UBXN2B: variants seen among roughly 807,000 people sequenced by gnomAD.
The protein encoded by UBXN2B is UBX domain-containing protein 2B.
UBXN2B carries 19 observed loss-of-function variants against 37.5 expected under a neutral mutation model. The ratio of observed to expected loss-of-function variants is 0.51; its 90% CI spans 0.35 to 0.74. UBXN2B has a LOEUF of 0.74. UBXN2B is among the 30% of genes least tolerant of loss of function. The probability of loss-of-function intolerance (pLI) is 0.01; values close to 1 mark genes in which losing one functional copy is unlikely to be tolerated. For missense variants in UBXN2B, 370 were observed against 393.2 expected, an observed-to-expected ratio of 0.94 and a Z score of 0.50; for synonymous variants, 145 against 143.8, an observed-to-expected ratio of 1.01 and a Z score of -0.06.
At chr8:58,446,461 A>G (rs1808671089) in intron 7 of UBXN2B, among the ~76,000 whole-genome samples, 1 of 152,174 alleles carries the variant, frequency 6.6e-6, no homozygotes, top group Non-Finnish European at 1.5e-5. Flanking sequence ...CTGTATAGCA[A>G]ATACTTCATA....
Position 58,447,413 on chromosome 8 carries a change from T to C in UBXN2B, c.858T>C (p.Ile286=), listed in dbSNP as rs768739332. The change falls in exon 8 of 8, where the codon ATT becomes ATC. Residue 286 remains isoleucine, a synonymous_variant. Coordinates refer to ENST00000399598, the MANE Select transcript of UBXN2B (RefSeq NM_001077619.2). ...THRILDVRNF[I]VQSRPEFAAL... ...GGATCCTGGATGTCCGGAACTTTATTGTACAGTCTCGTCCTGAATTTGCGG... is the reference window on the plus strand; with the variant it reads ...GGATCCTGGATGTCCGGAACTTTATCGTACAGTCTCGTCCTGAATTTGCGG... The C allele has an allele frequency of 6.2e-7, 1 of 1,604,436 alleles. No individual in the cohort carries two copies. The highest frequency in any genetic ancestry group is 1.3e-5 in the African/African-American group (1 of 74,904).
chr8:58,449,212 A>G lies in UBXN2B; in HGVS notation c.*1661A>G, dbSNP rs1472099109. Reference sequence around the variant, plus strand: ...TAGTAACCTTAATTACATCTGCAAAATCTCTTTTACCATCTAAGGTTACAT... The same window carrying G: ...TAGTAACCTTAATTACATCTGCAAAGTCTCTTTTACCATCTAAGGTTACAT... On this transcript the variant is annotated 3_prime_UTR_variant, in exon 8 of 8. Coordinates refer to ENST00000399598, the MANE Select transcript of UBXN2B (RefSeq NM_001077619.2). The G allele has an allele frequency of 6.6e-6, 1 of 152,112 alleles. No individual in the cohort carries two copies. 9.4% of individuals were successfully genotyped at this position (152,112 alleles called of 1,614,324 possible). A position where few individuals can be genotyped will look rare whatever the true frequency, so the allele number is the denominator to read the frequency against.
rs969414516 is a variant in UBXN2B, at chr8:58,416,763, T to G, written c.85-87T>G. The G allele has an allele frequency of 1.4e-5, 15 of 1,100,488 alleles. No individual in the cohort carries two copies. In the Admixed American group the frequency reaches 4.4e-4, roughly 32 times the overall value. The allele number at this position is 1,100,488 out of a possible 1,614,324, so 68.2% of individuals were successfully genotyped here. The stretch of plus-strand genomic sequence containing the variant: ...ATGAAAAGTCTTTACCACTCAATTT[T>G]AAGTTAGTGTTCTATACATAACTTC... On this transcript the variant is annotated intron_variant, in intron 1 of 7. Transcript: ENST00000399598.
rs566045515 is a variant in UBXN2B, at chr8:58,449,258, A to T, written c.*1707A>T. The T allele has an allele frequency of 6.6e-6, 1 of 152,336 alleles. No individual in the cohort carries two copies. Among genetic ancestry groups the T allele is most frequent in the South Asian group, 2.1e-4 (1 of 4,828 alleles). 9.4% of individuals were successfully genotyped at this position (152,336 alleles called of 1,614,324 possible). A position where few individuals can be genotyped will look rare whatever the true frequency, so the allele number is the denominator to read the frequency against. ...TACATACAGGTTTGGAGATTAGGAC[A>T]TTAACATTTTACATGGAACATTATT... On this transcript the variant is annotated 3_prime_UTR_variant, in exon 8 of 8. Coordinates refer to ENST00000399598, the MANE Select transcript of UBXN2B (RefSeq NM_001077619.2).
In UBXN2B at chr8:58,411,413, G is replaced by C. The variant is rs928432922; in HGVS notation, c.28G>C (p.Gly10Arg). ...GGCGGAGGGCGGAGGCCCTGAGCCC[G>C]GCGAGCAGGAGAGGAGGTCTTCCGG... MAEGGGPEP[G>R]EQERRSSGPR... The change falls in exon 1 of 8, where the codon GGC becomes CGC. Residue 10 changes from glycine (G) to arginine (R), a missense_variant. Gly to Arg is a moderately radical substitution (Grantham distance 125). Around this residue, in one of 3 missense-constraint regions of UBXN2B, gnomAD observed 197 missense variants for 170.2 expected, o/e 1.16. Coordinates refer to ENST00000399598, the MANE Select transcript of UBXN2B (RefSeq NM_001077619.2). The C allele has an allele frequency of 3.9e-6, 5 of 1,270,594 alleles. No homozygotes were observed. In the African/African-American group the frequency reaches 4.6e-5, roughly 12 times the overall value. The allele number at this position is 1,270,594 out of a possible 1,614,324, so 78.7% of individuals were successfully genotyped here.
chr8:58,426,085 A>ATCT (rs1307593660), intron 2 of UBXN2B: 2 of 1,392,252 alleles, frequency 1.4e-6, no homozygotes, highest in Non-Finnish European at 2.0e-6. Flanking sequence ...GCTCAATAAC[A>ATCT]TCTCCATTCT....
At position 58,433,353 on chromosome 8, in the gene UBXN2B, A is replaced by T. The variant is rs929203636; in HGVS notation, c.423+110A>T. 3 of 855,478 alleles carry T rather than the reference A, an allele frequency of 3.5e-6. No homozygotes were observed. In the African/African-American group the frequency reaches 5.2e-5, roughly 15 times the overall value. 53.0% of individuals were successfully genotyped at this position (855,478 alleles called of 1,614,324 possible). On this transcript the variant is annotated intron_variant, in intron 4 of 7. Coordinates refer to ENST00000399598, the MANE Select transcript of UBXN2B (RefSeq NM_001077619.2). ...TACAAATATATTTTTGTTACTTTTT[A>T]AAACATGGGTTAAAAGGACCAATGA... is the stretch of plus-strand genomic sequence containing the variant.
rs1262287018 is a variant in UBXN2B, at chr8:58,448,396, A to G, written c.*845A>G. On this transcript the variant is annotated 3_prime_UTR_variant, in exon 8 of 8. Transcript: ENST00000399598. ...TCTGTGTTGATCAGGCTGGTCTCGA[A>G]CTCCGAACCTCAGGTGATCCACCCA... is the stretch of plus-strand genomic sequence containing the variant. The G allele has an allele frequency of 6.6e-6, 1 of 151,690 alleles. No individual in the cohort carries two copies. Among genetic ancestry groups the G allele is most frequent in the African/African-American group, 2.4e-5 (1 of 41,232 alleles). 9.4% of individuals were successfully genotyped at this position (151,690 alleles called of 1,614,324 possible).
intron 3 of UBXN2B, among the ~76,000 whole-genome samples, chr8:58,431,340 T>C (rs1434246825): frequency 6.6e-6 from 1 of 152,224 alleles, no homozygotes; most frequent in Admixed American, 6.5e-5. Context: ...TGTGACCTTT[T>C]GGAATAGCTT....
rs1166687529 is a variant in UBXN2B at position 58,451,200 on chromosome 8, A to G, written c.*3649A>G. The G allele has an allele frequency of 2.0e-5, 3 of 152,530 alleles. No individual in the cohort carries two copies. Among genetic ancestry groups the G allele is most frequent in the African/African-American group, 7.2e-5 (3 of 41,462 alleles). The allele number at this position is 152,530 out of a possible 1,614,324, so 9.4% of individuals were successfully genotyped here. On this transcript the variant is annotated 3_prime_UTR_variant, in exon 8 of 8. Coordinates refer to ENST00000399598, the MANE Select transcript of UBXN2B (RefSeq NM_001077619.2). ...GTTGAGTGCCTATAGATGCACATAC[A>G]AAAACAACTGCCATTTTTGTATATA... is the stretch of plus-strand genomic sequence containing the variant.
At chr8:58,419,771 A>G (rs189925634) in intron 2 of UBXN2B, among the ~76,000 whole-genome samples, 2 of 152,364 alleles carry the variant, frequency 1.3e-5, no homozygotes, top group East Asian at 3.9e-4. Context: ...GAACCAGAAA[A>G]AGAACCAGCA....
intron 2 of UBXN2B, among the ~76,000 whole-genome samples, chr8:58,426,961 G>C (rs1027558123): frequency 6.6e-6 from 1 of 152,196 alleles, no homozygotes; most frequent in African/African-American, 2.4e-5. Context: ...TTCAGTCTTA[G>C]TTTTCTTACC....
At chr8:58,426,780 G>A (rs1434670835) in intron 2 of UBXN2B, 14 of 616,924 alleles carry the variant, frequency 2.3e-5, no homozygotes, top group East Asian at 3.2e-5. Flanking sequence ...AGGCCCGCTC[G>A]GGACCAGATG....
At chr8:58,440,935 C>T (rs1808522301) in intron 6 of UBXN2B, among the ~76,000 whole-genome samples, 1 of 151,578 alleles carries the variant, frequency 6.6e-6, no homozygotes, top group Non-Finnish European at 1.5e-5. Flanking sequence ...TTTTAGGTCA[C>T]AGGTTTACTT....
intron 5 of UBXN2B, among the ~76,000 whole-genome samples, chr8:58,436,807 C>T (rs527358297): frequency 5.4e-4 from 82 of 152,302 alleles, no homozygotes; most frequent in African/African-American, 1.9e-3. Context: ...TGTAAGTTCC[C>T]TGCGGCTTCA....
At chr8:58,424,655 A>G (rs1308573403) in intron 2 of UBXN2B, 11 of 1,161,424 alleles carry the variant, frequency 9.5e-6, no homozygotes, top group Non-Finnish European at 1.4e-5. Context: ...GTCTGCTCTC[A>G]TTTCTGCACA....
chr8:58,437,397 G>C (rs1334633171), intron 5 of UBXN2B, among the ~76,000 whole-genome samples: 1 of 135,174 alleles, frequency 7.4e-6, no homozygotes, highest in African/African-American at 2.9e-5. Context: ...GCGCGATCTA[G>C]GCTCACTGCA....
At chr8:58,436,571 T>G (rs1808417046) in intron 5 of UBXN2B, among the ~76,000 whole-genome samples, 1 of 152,198 alleles carries the variant, frequency 6.6e-6, no homozygotes, top group South Asian at 2.1e-4. Context: ...AATCTCATGT[T>G]GAAATGTGAC....
intron 2 of UBXN2B, chr8:58,424,650 C>T: frequency 8.1e-7 from 1 of 1,240,426 alleles, no homozygotes; most frequent in Non-Finnish European, 1.2e-6. Context: ...GCACTGTCTG[C>T]TCTCATTTCT....
Sources: allele counts gnomAD v4.1 joint callset (sites outside exome capture counted in the v4.1 genomes callset), GRCh38; gene constraint gnomAD v4.1.1; regional missense constraint gnomAD v4.1.1; transcripts MANE v1.5; gene names NCBI Gene and HGNC (gene_info 2026-07-23, HGNC 2026-07-21).